MRM1: variants seen among roughly 807,000 people sequenced by gnomAD.
MRM1 encodes mitochondrial rRNA methyltransferase 1.
MRM1 carries 24 observed loss-of-function variants against 25.0 expected under a neutral mutation model. That is an observed-to-expected ratio of 0.96 (90% CI 0.69 to 1.35). The LOEUF (loss-of-function observed/expected upper bound fraction) is 1.35. MRM1 is among the 40% of genes most tolerant of loss of function. The probability of loss-of-function intolerance (pLI) is 0.00; values close to 1 mark genes in which losing one functional copy is unlikely to be tolerated. For synonymous variants in MRM1, 188 were observed against 199.2 expected (o/e 0.94, Z 0.47); for missense variants, 431 against 464.1 (o/e 0.93, Z 0.65).
At chr17:36,627,726 G>C in the MRM1 span, among the ~76,000 whole-genome samples, 1 of 144,094 alleles carries the variant, frequency 6.9e-6, no homozygotes, top group African/African-American at 2.6e-5. Context: ...TGAAGCTGGA[G>C]TGCAGTGGTG....
downstream of MRM1, among the ~76,000 whole-genome samples, chr17:36,611,863 G>A (rs751288281): frequency 1.5e-4 from 23 of 151,950 alleles, no homozygotes; most frequent in Non-Finnish European, 2.6e-4. Flanking sequence ...TCTCCTGGGC[G>A]TCCAGCTTGC....
chr17:36,627,798 C>G, the MRM1 span, among the ~76,000 whole-genome samples: 2 of 151,726 alleles, frequency 1.3e-5, no homozygotes, highest in Admixed American at 1.3e-4. Context: ...CTCAGCCTCC[C>G]GAGTAGCTGG....
At chr17:36,611,024 G>A (rs2074973882), downstream of MRM1, among the ~76,000 whole-genome samples, 1 of 152,096 alleles carries the variant, frequency 6.6e-6, no homozygotes, top group South Asian at 2.1e-4. Context: ...ATGTTGGCCA[G>A]GCTGGTCTCA....
chr17:36,633,970 C>A, the MRM1 span: 1 of 152,324 alleles, frequency 6.6e-6, no homozygotes, highest in Admixed American at 6.5e-5. Flanking sequence ...TTTGTCCCTT[C>A]TCACTGTAGA....
the MRM1 span, among the ~76,000 whole-genome samples, chr17:36,631,840 C>T: frequency 7.9e-5 from 12 of 152,128 alleles, no homozygotes; most frequent in Non-Finnish European, 1.6e-4. Context: ...TGGGATCAAC[C>T]CTTCCCCCTA....
chr17:36,624,549 C>G, the MRM1 span, among the ~76,000 whole-genome samples: 1 of 152,188 alleles, frequency 6.6e-6, no homozygotes, highest in African/African-American at 2.4e-5. The surrounding 1 kb of genome is among the most constrained non-coding windows in gnomAD (Gnocchi z 4.0). Context: ...GCATGAGCAT[C>G]CATGAGCACG....
Position 36,608,009 on chromosome 17 carries a change from G to A in MRM1, c.880G>A (p.Val294Met). Residue 294 changes from valine to methionine, a missense_variant, in exon 4 of 5, where the codon GTG becomes ATG. Transcript: ENST00000614766. ...PPGLESLNVSVAAGILLHSIC... is the reference protein window; with the variant it reads ...PPGLESLNVSMAAGILLHSIC... ...TGGACTTGAGTCCTTGAACGTCTCTGTGGCTGCAGGTGAGTCTACTCCCCT... is the reference window on the plus strand; with the variant it reads ...TGGACTTGAGTCCTTGAACGTCTCTATGGCTGCAGGTGAGTCTACTCCCCT... 6.2e-7 allele frequency: 1 copy of A among 1,614,094 alleles called. No individual in the cohort carries two copies. Among genetic ancestry groups the A allele is most frequent in the Non-Finnish European group, 8.5e-7 (1 of 1,180,016 alleles).
the MRM1 span, among the ~76,000 whole-genome samples, chr17:36,614,500 C>A: frequency 6.6e-6 from 1 of 152,150 alleles, no homozygotes; most frequent in African/African-American, 2.4e-5. Flanking sequence ...TGGAGCGGAT[C>A]CTTCCTTTTA....
the MRM1 span, among the ~76,000 whole-genome samples, chr17:36,614,089 A>G: frequency 5.1e-4 from 78 of 152,056 alleles, 2 homozygotes; most frequent in South Asian, 0.015. Flanking sequence ...GACGATGACA[A>G]TGATGACGAT....
Position 36,608,102 on chromosome 17 carries a change from G to A in MRM1, c.889+84G>A, listed in dbSNP as rs770683929. The A allele has an allele frequency of 1.2e-4, 185 of 1,552,538 alleles. 1 individual carries two copies. Among genetic ancestry groups the A allele is most frequent in the Non-Finnish European group, 1.6e-4 (178 of 1,142,884 alleles). On this transcript the variant is annotated intron_variant, in intron 4 of 4. Transcript: ENST00000614766. Reference sequence around the variant, plus strand: ...TGCCCTCTAATCCCATTTGCTGGCTGTTTGTGTGCCTCAGTTGCTTTATGT... The same window carrying A: ...TGCCCTCTAATCCCATTTGCTGGCTATTTGTGTGCCTCAGTTGCTTTATGT...
intron 2 of MRM1, among the ~76,000 whole-genome samples, chr17:36,605,153 A>G (rs921717027): frequency 1.7e-4 from 25 of 145,210 alleles, no homozygotes; most frequent in Middle Eastern, 3.5e-3. Flanking sequence ...AAAAAAAAAA[A>G]AGAGAGAGAG....
the MRM1 span, among the ~76,000 whole-genome samples, chr17:36,629,151 A>G: frequency 5.1e-4 from 78 of 152,288 alleles, no homozygotes; most frequent in Admixed American, 2.0e-3. Flanking sequence ...TGCACACAAA[A>G]TAGTGCAAAG....
intron 2 of MRM1, among the ~76,000 whole-genome samples, chr17:36,607,206 TGCCTGGGCCA>T (rs2074937762): frequency 6.6e-6 from 1 of 151,910 alleles, no homozygotes; most frequent in African/African-American, 2.4e-5. Context: ...TGAGCCACCG[TGCCTGGGCCA>T]GGCTAGTTTT....
At chr17:36,609,652 A>G (rs1281609431), downstream of MRM1, among the ~76,000 whole-genome samples, 2 of 152,138 alleles carry the variant, frequency 1.3e-5, no homozygotes, top group Non-Finnish European at 2.9e-5. Context: ...GCTTTGGAGG[A>G]TAGCAACCCC....
At chr17:36,627,515 A>G in the MRM1 span, among the ~76,000 whole-genome samples, 57 of 151,832 alleles carry the variant, frequency 3.8e-4, 3 homozygotes, top group South Asian at 0.012. Flanking sequence ...GGGATGCCTT[A>G]CTCTTAAATT....
chr17:36,610,913 A>T (rs1679962055), downstream of MRM1, among the ~76,000 whole-genome samples: 1 of 152,046 alleles, frequency 6.6e-6, no homozygotes, highest in African/African-American at 2.4e-5. Flanking sequence ...TCCTGGGTTC[A>T]AGCGGTTCTC....
chr17:36,607,354 C>T (rs1418422316), intron 2 of MRM1, among the ~76,000 whole-genome samples: 6 of 152,074 alleles, frequency 3.9e-5, no homozygotes, highest in Non-Finnish European at 8.8e-5. Context: ...GGCATGGTGG[C>T]TGACGCTTGT....
At chr17:36,609,738 C>A (rs950579255), downstream of MRM1, among the ~76,000 whole-genome samples, 1 of 152,132 alleles carries the variant, frequency 6.6e-6, no homozygotes, top group Non-Finnish European at 1.5e-5. Context: ...CCCTCCTGGG[C>A]GAAAGGGGAA....
intron 2 of MRM1, among the ~76,000 whole-genome samples, chr17:36,607,254 G>A (rs2074938320): frequency 1.3e-5 from 2 of 152,146 alleles, no homozygotes; most frequent in Non-Finnish European, 2.9e-5. Flanking sequence ...TAATCTGCCT[G>A]CTTCAGCCTC....
Sources: allele counts gnomAD v4.1 joint callset (sites outside exome capture counted in the v4.1 genomes callset), GRCh38; gene constraint gnomAD v4.1.1; non-coding constraint Gnocchi (gnomAD v3.1); transcripts MANE v1.5; gene names NCBI Gene and HGNC (gene_info 2026-07-23, HGNC 2026-07-21).